NANOS3: variants seen among roughly 807,000 people sequenced by gnomAD.
NANOS3 encodes the protein nanos homolog 3.
Under a neutral mutation model 13.8 loss-of-function variants are expected in NANOS3, and 11 were observed. The observed-to-expected ratio is 0.80, with a 90% CI of 0.50 to 1.32. The LOEUF (loss-of-function observed/expected upper bound fraction) is 1.32. Ranked by LOEUF, NANOS3 falls within the 40% of genes most tolerant of loss-of-function variation. The pLI, the probability that NANOS3 is intolerant of heterozygous loss-of-function variation, is 0.00. For synonymous variants in NANOS3, 119 were observed against 115.4 expected (o/e 1.03, Z -0.20); for missense variants, 221 against 263.8 (o/e 0.84, Z 1.12).
chr19:13,875,308 TC>T (rs1208728559), upstream of NANOS3, among the ~76,000 whole-genome samples: 1 of 151,572 alleles, frequency 6.6e-6, no homozygotes, highest in Non-Finnish European at 1.5e-5. Flanking sequence ...GGCCTCAGCC[TC>T]CCAAGTAGCT....
At chr19:13,876,319 TG>T (rs1217055721), upstream of NANOS3, among the ~76,000 whole-genome samples, 1,570 of 81,970 alleles carry the variant, frequency 0.019, 28 homozygotes, top group African/African-American at 0.099. Flanking sequence ...TGTGTGTGTG[TG>T]TGTGTGTGTG....
At chr19:13,865,745 G>A (rs1440072043) in intron 1 of NANOS3, among the ~76,000 whole-genome samples, 1 of 151,156 alleles carries the variant, frequency 6.6e-6, no homozygotes, top group Non-Finnish European at 1.5e-5. Flanking sequence ...GGGAGGGCAA[G>A]CGGAGATGCC....
upstream of NANOS3, among the ~76,000 whole-genome samples, chr19:13,864,445 C>T (rs1976200747): frequency 6.6e-6 from 1 of 152,130 alleles, no homozygotes; most frequent in East Asian, 1.9e-4. Context: ...GGCTGTGTTT[C>T]TCTGCCTCTG....
At chr19:13,873,261 CTG>C (rs1234015268), upstream of NANOS3, among the ~76,000 whole-genome samples, 2 of 104,604 alleles carry the variant, frequency 1.9e-5, no homozygotes, top group African/African-American at 7.6e-5. Context: ...TGGCTCCAGA[CTG>C]TGGGTGGGGC....
upstream of NANOS3, among the ~76,000 whole-genome samples, chr19:13,875,540 T>C (rs1968492329): frequency 6.6e-6 from 1 of 151,688 alleles, no homozygotes; most frequent in Non-Finnish European, 1.5e-5. Flanking sequence ...GAGTGCTCCA[T>C]AGTTTTGTTT....
intron 1 of NANOS3, among the ~76,000 whole-genome samples, chr19:13,870,411 C>CTCCA (rs748114349): frequency 2.7e-3 from 408 of 151,868 alleles, no homozygotes; most frequent in Non-Finnish European, 4.3e-3. Flanking sequence ...GTAGAGCTGC[C>CTCCA]TCCATCCATC....
rs986829181 is a variant in NANOS3 at position 13,880,488 on chromosome 19, C to T, written c.564C>T (p.Pro188=). Reference sequence around the variant, plus strand: ...CTGAGCCTTCGCCCTCCTGCTCTCCCTCCATGTCCACCTAGGAGGCTGCCT... The same window carrying T: ...CTGAGCCTTCGCCCTCCTGCTCTCCTTCCATGTCCACCTAGGAGGCTGCCT... ...GKSEPSPSCS[P]SMST The change falls in exon 2 of 2, where the codon CCC becomes CCT. Residue 188 remains proline, a synonymous_variant. Transcript: ENST00000339133. 1.9e-6 allele frequency: 3 copies of T among 1,613,964 alleles called. No individual in the cohort carries two copies. Among genetic ancestry groups the T allele is most frequent in the East Asian group, 2.2e-5 (1 of 44,874 alleles).
upstream of NANOS3, among the ~76,000 whole-genome samples, chr19:13,876,453 C>T (rs1028279343): frequency 2.0e-5 from 3 of 152,242 alleles, no homozygotes; most frequent in Admixed American, 2.0e-4. Flanking sequence ...AGCCACCACT[C>T]CCTGGCCTGG....
chr19:13,868,528 CAT>C (rs1422617179), intron 1 of NANOS3, among the ~76,000 whole-genome samples: 1 of 151,570 alleles, frequency 6.6e-6, no homozygotes, highest in Non-Finnish European at 1.5e-5. Context: ...GTTTAAAAAA[CAT>C]ATTAGCTGGG....
chr19:13,866,838 A>G (rs1331832556), intron 1 of NANOS3, among the ~76,000 whole-genome samples: 1 of 151,952 alleles, frequency 6.6e-6, no homozygotes, highest in Non-Finnish European at 1.5e-5. Flanking sequence ...CCAAGTTCAC[A>G]CCTGCACACT....
At chr19:13,876,675 C>T (rs1968519854), upstream of NANOS3, among the ~76,000 whole-genome samples, 1 of 147,486 alleles carries the variant, frequency 6.8e-6, no homozygotes, top group African/African-American at 2.6e-5. Context: ...GCTGGAGCAT[C>T]AGCAACCTCC....
chr19:13,875,702 C>T (rs1968496050), upstream of NANOS3, among the ~76,000 whole-genome samples: 1 of 151,892 alleles, frequency 6.6e-6, no homozygotes, highest in African/African-American at 2.4e-5. Flanking sequence ...CGCACCACCA[C>T]ACCTAGCTTA....
At chr19:13,872,344 CAA>C (rs34571178), upstream of NANOS3, among the ~76,000 whole-genome samples, 308 of 121,684 alleles carry the variant, frequency 2.5e-3, 3 homozygotes, top group African/African-American at 6.3e-3. Flanking sequence ...GACTCCATCT[CAA>C]AAAAAAAAAA....
rs866979059 is a variant in NANOS3, at chr19:13,877,745, G to A, written c.497G>A (p.Arg166Gln). Residue 166 changes from arginine (R) to glutamine (Q), a missense_variant, in exon 1 of 2, where the codon CGA (arginine) becomes CAA (glutamine). Physicochemically the swap from Arg to Gln is conservative, Grantham distance 43. Transcript: ENST00000339133. ...AAGACACAGGACACAGGCCACCGCC[G>A]AGGAGGAGGAGGAGGAGCAGGTGCC... Reference protein sequence around the residue: ...KAKTQDTGHRRGGGGGAGFRG... With the variant: ...KAKTQDTGHRQGGGGGAGFRG... The A allele has an allele frequency of 4.6e-6, 7 of 1,511,226 alleles. No homozygotes were observed. Among genetic ancestry groups the A allele is most frequent in the Middle Eastern group, 1.7e-4 (1 of 5,832 alleles). The allele number at this position is 1,511,226 out of a possible 1,614,324, so 93.6% of individuals were successfully genotyped here. A position where few individuals can be genotyped will look rare whatever the true frequency, so the allele number is the denominator to read the frequency against.
At chr19:13,879,951 G>A (rs963388079) in intron 1 of NANOS3, among the ~76,000 whole-genome samples, 10 of 152,038 alleles carry the variant, frequency 6.6e-5, no homozygotes, top group African/African-American at 2.2e-4. Context: ...GCTAGAACCC[G>A]GGAGGTGGAG....
intron 1 of NANOS3, among the ~76,000 whole-genome samples, chr19:13,869,527 A>G (rs1454907207): frequency 2.0e-5 from 3 of 151,508 alleles, no homozygotes; most frequent in African/African-American, 4.8e-5. Flanking sequence ...CTGGAAAGGA[A>G]GTGGGGGAGG....
At chr19:13,871,613 A>G (rs1165010418) in intron 1 of NANOS3, among the ~76,000 whole-genome samples, 1 of 152,142 alleles carries the variant, frequency 6.6e-6, no homozygotes, top group Non-Finnish European at 1.5e-5. Flanking sequence ...GGCAGAAAGG[A>G]CACACAGGAG....
intron 1 of NANOS3, among the ~76,000 whole-genome samples, chr19:13,866,912 G>A (rs1222642033): frequency 6.6e-6 from 1 of 151,978 alleles, no homozygotes; most frequent in Non-Finnish European, 1.5e-5. Context: ...GACGGTACAA[G>A]GCCTGCAGAA....
upstream of NANOS3, among the ~76,000 whole-genome samples, chr19:13,863,445 T>C (rs772613060): frequency 6.6e-6 from 1 of 152,146 alleles, no homozygotes; most frequent in African/African-American, 2.4e-5. Flanking sequence ...CTTGAACTCC[T>C]GGCCTCAAGC....
Sources: allele counts gnomAD v4.1 joint callset (sites outside exome capture counted in the v4.1 genomes callset), GRCh38; gene constraint gnomAD v4.1.1; transcripts MANE v1.5; gene names NCBI Gene and HGNC (gene_info 2026-07-23, HGNC 2026-07-21).